The following ADGRL3 variants were observed in gnomAD, a reference collection of about 807,000 sequenced individuals.
The protein encoded by ADGRL3 is calcium-independent alpha-latrotoxin receptor 3.
Under a neutral mutation model 153.5 loss-of-function variants are expected in ADGRL3, and 62 were observed. The observed-to-expected ratio is 0.40, with a 90% CI of 0.33 to 0.50. ADGRL3 has a LOEUF of 0.50. Among genes scored for constraint, ADGRL3 ranks in the 20% least tolerant of loss-of-function variants. The probability of loss-of-function intolerance (pLI) is 0.47; values close to 1 mark genes in which losing one functional copy is unlikely to be tolerated. For synonymous variants in ADGRL3, 710 were observed against 672.5 expected, an observed-to-expected ratio of 1.06 and a Z score of -0.86; for missense variants, 1,641 against 1,859.4, an observed-to-expected ratio of 0.88 and a Z score of 2.16.
At chr4:61,502,948 A>G (rs1180416995) in intron 3 of ADGRL3, among the ~76,000 whole-genome samples, 1 of 152,188 alleles carries the variant, frequency 6.6e-6, no homozygotes, top group African/African-American at 2.4e-5. Flanking sequence ...GCAGTAATAT[A>G]ACTATGTTTA....
At chr4:61,493,735 A>C (rs2098281916) in intron 2 of ADGRL3, among the ~76,000 whole-genome samples, 1 of 152,098 alleles carries the variant, frequency 6.6e-6, no homozygotes, top group South Asian at 2.1e-4. Context: ...CAATCAAATA[A>C]TGTTTCATTT....
intron 6 of ADGRL3, among the ~76,000 whole-genome samples, chr4:61,721,644 C>G (rs1334836164): frequency 6.6e-6 from 1 of 152,184 alleles, no homozygotes; most frequent in Non-Finnish European, 1.5e-5. Context: ...TAAATCCAAT[C>G]AAGTTGACAC....
At chr4:61,845,700 A>G (rs1369384084) in intron 9 of ADGRL3, among the ~76,000 whole-genome samples, 1 of 151,920 alleles carries the variant, frequency 6.6e-6, no homozygotes, top group Non-Finnish European at 1.5e-5. Context: ...ATAGTTCTCT[A>G]CTAAGTTTTA....
chr4:62,038,267 T>C (rs1285884280), intron 24 of ADGRL3, among the ~76,000 whole-genome samples: 1 of 152,178 alleles, frequency 6.6e-6, no homozygotes, highest in Non-Finnish European at 1.5e-5. Flanking sequence ...TAATATGGTA[T>C]GTTTAGTAAA....
At position 61,813,794 on chromosome 4, in the gene ADGRL3, G is replaced by T. The variant is rs756663677; in HGVS notation, c.1400-15G>T. Reference sequence around the variant, plus strand: ...ACGTATGATGTCTTCTTAACAATTTGTTTTGGGTCCACAGGGCAGGCACAT... The same window carrying T: ...ACGTATGATGTCTTCTTAACAATTTTTTTTGGGTCCACAGGGCAGGCACAT... On this transcript the variant is annotated splice_polypyrimidine_tract_variant and intron_variant, in intron 8 of 26. Coordinates refer to ENST00000683033, the MANE Select transcript of ADGRL3 (RefSeq NM_001387552.1). The T allele has an allele frequency of 1.2e-6, 2 of 1,606,560 alleles. No homozygotes were observed. Among genetic ancestry groups the T allele is most frequent in the Non-Finnish European group, 1.7e-6 (2 of 1,173,424 alleles).
intron 1 of ADGRL3, among the ~76,000 whole-genome samples, chr4:61,357,226 AAT>A (rs1411289633): frequency 3.3e-5 from 5 of 152,128 alleles, no homozygotes; most frequent in Admixed American, 6.5e-5. Context: ...GTTAATGATT[AAT>A]ATATGTTTTG....
intron 1 of ADGRL3, among the ~76,000 whole-genome samples, chr4:61,333,925 T>A: frequency 6.6e-6 from 1 of 151,948 alleles, no homozygotes; most frequent in South Asian, 2.1e-4. Flanking sequence ...CTGTATTTTT[T>A]TTTTTTTTTT....
intron 2 of ADGRL3, among the ~76,000 whole-genome samples, chr4:61,396,198 G>T (rs2096866572): frequency 6.6e-6 from 1 of 151,874 alleles, no homozygotes; most frequent in South Asian, 2.1e-4. Flanking sequence ...TTTAGCTTTA[G>T]ATGTAGCAGA....
At chr4:62,010,753 G>C (rs1412486566) in intron 21 of ADGRL3, among the ~76,000 whole-genome samples, 1 of 151,920 alleles carries the variant, frequency 6.6e-6, no homozygotes, top group Non-Finnish European at 1.5e-5. Context: ...TCTTTATGAG[G>C]TAGAACTCAC....
chr4:61,864,044 T>A (rs1306825691), intron 9 of ADGRL3, among the ~76,000 whole-genome samples: 1 of 152,154 alleles, frequency 6.6e-6, no homozygotes, highest in East Asian at 1.9e-4. Flanking sequence ...AGTAGCTAGG[T>A]TGTCATCAAA....
rs1749410115 is a variant in ADGRL3, at chr4:61,229,206, C to T, written c.-240+27441C>T. On this transcript the variant is annotated intron_variant, in intron 1 of 26. Coordinates refer to ENST00000683033, the MANE Select transcript of ADGRL3 (RefSeq NM_001387552.1). ...ACTCTCACTCAGCCAACTGTTTGCC[C>T]AATTGGCTCAACATTTCCTGTGTTT... Among the ~76,000 whole-genome samples the T allele has an allele frequency of 2.0e-5, 3 of 152,286 alleles. 1 individual carries two copies. The South Asian group carries it at 6.2e-4, about 32-fold the overall frequency.
chr4:61,823,906 A>C (rs1368911138), intron 9 of ADGRL3, among the ~76,000 whole-genome samples: 1 of 152,028 alleles, frequency 6.6e-6, no homozygotes, highest in Non-Finnish European at 1.5e-5. Context: ...CTAAAAATAC[A>C]AAAAATTAGC....
intron 5 of ADGRL3, among the ~76,000 whole-genome samples, chr4:61,590,476 T>G (rs920492587): frequency 6.6e-6 from 1 of 152,134 alleles, no homozygotes; most frequent in African/African-American, 2.4e-5. Context: ...GGCATTCAGC[T>G]TAGGTTTCAT....
chr4:61,465,328 G>A (rs2097865885), intron 2 of ADGRL3, among the ~76,000 whole-genome samples: 1 of 152,036 alleles, frequency 6.6e-6, no homozygotes, highest in Non-Finnish European at 1.5e-5. Context: ...AAAAGAAGAT[G>A]GGTAGGCTTT....
intron 1 of ADGRL3, among the ~76,000 whole-genome samples, chr4:61,358,388 G>T (rs547755713): frequency 6.6e-6 from 1 of 152,030 alleles, no homozygotes; most frequent in African/African-American, 2.4e-5. Flanking sequence ...ACGAGGTCAG[G>T]AGATCGAGAC....
At chr4:61,438,889 A>G (rs902651844) in intron 2 of ADGRL3, among the ~76,000 whole-genome samples, 2 of 151,772 alleles carry the variant, frequency 1.3e-5, no homozygotes, top group African/African-American at 4.8e-5. Flanking sequence ...TTGTATTTTT[A>G]GTAGAGACGG....
chr4:61,425,084 A>G (rs1236234241), intron 2 of ADGRL3, among the ~76,000 whole-genome samples: 2 of 152,162 alleles, frequency 1.3e-5, no homozygotes, highest in African/African-American at 2.4e-5. Context: ...GAGGCCACCT[A>G]TTCCACTACA....
chr4:61,896,152 C>T (rs1470724), intron 11 of ADGRL3, among the ~76,000 whole-genome samples: 116,635 of 152,006 alleles, frequency 0.77, 45,063 homozygotes, highest in East Asian at 0.99. Flanking sequence ...TGTATACTTA[C>T]GAGTTTTCTT....
intron 2 of ADGRL3, among the ~76,000 whole-genome samples, chr4:61,489,188 A>G (rs915068587): frequency 6.6e-5 from 10 of 151,938 alleles, no homozygotes; most frequent in Non-Finnish European, 1.2e-4. Context: ...ACATTAGGGT[A>G]TAGAAAATTT....
Sources: gnomAD v4.1 joint callset for allele counts (sites outside exome capture counted in the v4.1 genomes callset) on GRCh38, gnomAD v4.1.1 for gene constraint, MANE v1.5 for transcripts, NCBI Gene and HGNC (gene_info 2026-07-23, HGNC 2026-07-21) for gene names.